The following POLR3E variants were observed in gnomAD, a reference collection of about 807,000 sequenced individuals.
The protein encoded by POLR3E is RNA polymerase III subunit E.
A neutral mutation model predicts 96.6 loss-of-function variants in POLR3E; 41 were observed. The observed-to-expected ratio is 0.42, with a 90% confidence interval of 0.33 to 0.55. POLR3E has a LOEUF of 0.55. Ranked by LOEUF, POLR3E falls within the 20% of genes least tolerant of loss-of-function variation. The probability of loss-of-function intolerance (pLI) is 0.06; values close to 1 mark genes in which losing one functional copy is unlikely to be tolerated. For missense variants in POLR3E, 849 were observed against 952.1 expected, an observed-to-expected ratio of 0.89 and a Z score of 1.43; for synonymous variants, 396 against 383.6, an observed-to-expected ratio of 1.03 and a Z score of -0.38.
chr16:22,305,244 G>A, intron 3 of POLR3E, 38 bp downstream of exon 3: 2 of 1,448,086 alleles, frequency 1.4e-6, no homozygotes, highest in South Asian at 2.3e-5. Flanking sequence ...GGGAGAAGCA[G>A]GTGTGGGTGG....
At chr16:22,305,275 C>T (rs1438373543) in intron 3 of POLR3E, 69 bp downstream of exon 3, 14 of 1,147,186 alleles carry the variant, frequency 1.2e-5, no homozygotes, top group African/African-American at 4.6e-5. Context: ...CTCAGGAACA[C>T]GGGCAGGAAA....
intron 6 of POLR3E, 127 bp downstream of exon 6, chr16:22,309,637 C>A: frequency 1.3e-6 from 1 of 759,594 alleles, no homozygotes; most frequent in South Asian, 1.4e-5. Context: ...GGGGGCCGGG[C>A]AGGTGTGGAA....
At chr16:22,298,537 C>T (rs543686285) in intron 1 of POLR3E, among the ~76,000 whole-genome samples, 1 of 152,268 alleles carries the variant, frequency 6.6e-6, no homozygotes, top group East Asian at 1.9e-4. Context: ...AGGTGGGTCA[C>T]AGATGCCAAG....
At position 22,333,953 on chromosome 16, in the gene POLR3E, GTATTTTGCTTAT is replaced by G; in HGVS notation, c.*259_*270del. 2.4e-6 allele frequency: 1 copy of G among 414,276 alleles called. No homozygotes were observed. The allele number at this position is 414,276 out of a possible 1,614,324, so 25.7% of individuals were successfully genotyped here. On this transcript the variant is annotated 3_prime_UTR_variant, in exon 21 of 21. Coordinates refer to ENST00000299853, the MANE Select transcript of POLR3E (RefSeq NM_018119.4). ...TGCAGTACAATTTGAAATTCCTGAT[GTATTTTGCTTAT>G]TATTTGGTTTCATTCTCATAATAAA...
intron 20 of POLR3E, among the ~76,000 whole-genome samples, 180 bp downstream of exon 20, chr16:22,332,365 G>C (rs559148527): frequency 6.6e-6 from 1 of 152,062 alleles, no homozygotes; most frequent in Non-Finnish European, 1.5e-5. Context: ...TGGGGAAGGG[G>C]GTATGTGCCA....
Position 22,332,158 on chromosome 16 carries a change from T to C in POLR3E, c.2043T>C (p.Ser681=). 1.2e-5 allele frequency: 19 copies of C among 1,613,468 alleles called. No homozygotes were observed. The highest frequency in any genetic ancestry group is 1.6e-5 in the Non-Finnish European group (19 of 1,179,444). ...RLTQECGEDL[S]KQEVDKVLKD... Reference sequence around the variant, plus strand: ...CTCAAGAGTGTGGAGAAGATCTCAGTAAACAGGAGGTGGATAAAGTACTAA... The same window carrying C: ...CTCAAGAGTGTGGAGAAGATCTCAGCAAACAGGAGGTGGATAAAGTACTAA... Residue 681 remains serine, a synonymous_variant, in exon 20 of 21, where the codon AGT becomes AGC. Transcript: ENST00000299853.
At chr16:22,331,303 A>G (rs2048735561) in intron 19 of POLR3E, 1 of 152,104 alleles carries the variant, frequency 6.6e-6, no homozygotes, top group East Asian at 1.9e-4. Context: ...GAGAGTTTCC[A>G]TTGTTTAAGT....
At chr16:22,316,090 C>T (rs1341782209) in intron 9 of POLR3E, among the ~76,000 whole-genome samples, 1 of 152,178 alleles carries the variant, frequency 6.6e-6, no homozygotes, top group African/African-American at 2.4e-5. Context: ...CCTGATTTCT[C>T]TGGAACCTTC....
At chr16:22,300,588 T>C (rs1353898442) in intron 1 of POLR3E, among the ~76,000 whole-genome samples, 1 of 152,188 alleles carries the variant, frequency 6.6e-6, no homozygotes, top group Non-Finnish European at 1.5e-5. Context: ...GCTTGACATA[T>C]CTGTGGCACT....
intron 1 of POLR3E, 187 bp from the exon 2 acceptor site, chr16:22,302,744 T>C (rs1598232939): frequency 8.4e-6 from 5 of 594,478 alleles, no homozygotes; most frequent in Non-Finnish European, 1.5e-5. Context: ...TTTCTTTTTT[T>C]CTTTATTTCT....
chr16:22,309,059 G>T lies in POLR3E; in HGVS notation c.281+19G>T, dbSNP rs369431968. The T allele has an allele frequency of 1.5e-5, 24 of 1,564,636 alleles. No individual in the cohort carries two copies. The highest frequency in any genetic ancestry group is 1.8e-5 in the Non-Finnish European group (21 of 1,137,122). On this transcript the variant is annotated intron_variant, in intron 5 of 20. Transcript: ENST00000299853. ...ATTCCTCGTGAGTTTCCGGCCCCAA[G>T]CCTGTCCGGTTTCCCTGCGTTCACA...
In POLR3E at chr16:22,317,100, C is replaced by G. The variant is rs775525415; in HGVS notation, c.774-15C>G. On this transcript the variant is annotated splice_polypyrimidine_tract_variant and intron_variant, in intron 11 of 20. Coordinates refer to ENST00000299853, the MANE Select transcript of POLR3E (RefSeq NM_018119.4). ...GGGCTGGCTGCCTCTAACCCGTCCCCTCTGCTTTTCCCAGAGACAAGCCTG... is the reference window on the plus strand; with the variant it reads ...GGGCTGGCTGCCTCTAACCCGTCCCGTCTGCTTTTCCCAGAGACAAGCCTG... The G allele has an allele frequency of 1.9e-6, 3 of 1,613,936 alleles. No homozygotes were observed. Among genetic ancestry groups the G allele is most frequent in the African/African-American group, 2.7e-5 (2 of 74,938 alleles).
At chr16:22,304,319 T>G (rs1040877911) in intron 2 of POLR3E, among the ~76,000 whole-genome samples, 2 of 151,950 alleles carry the variant, frequency 1.3e-5, no homozygotes, top group Non-Finnish European at 2.9e-5. Context: ...TTTCCTTGCT[T>G]GGGGGATGTT....
At chr16:22,331,117 T>C (rs1177163313) in intron 19 of POLR3E, among the ~76,000 whole-genome samples, 3 of 148,254 alleles carry the variant, frequency 2.0e-5, no homozygotes, top group East Asian at 4.1e-4. Flanking sequence ...TAGCTGGGAT[T>C]ATAGGCGTGT....
At chr16:22,326,529 C>T in intron 18 of POLR3E, 1 of 567,706 alleles carries the variant, frequency 1.8e-6, no homozygotes, top group Middle Eastern at 4.0e-4. Context: ...ATTGCCTGGC[C>T]TGCAGCAGGG....
rs1490030429 is a variant in POLR3E at position 22,315,121 on chromosome 16, C to T, written c.555C>T (p.Ala185=). 1.2e-6 allele frequency: 2 copies of T among 1,613,470 alleles called. No homozygotes were observed. The highest frequency in any genetic ancestry group is 3.3e-5 in the Admixed American group (2 of 59,966). The change falls in exon 9 of 21, where the codon GCC becomes GCT. Residue 185 remains alanine, a synonymous_variant. Coordinates refer to ENST00000299853, the MANE Select transcript of POLR3E (RefSeq NM_018119.4). ...TCTCCCGGCCGGAGTCAGAGCAGGC[C>T]CGCCAGCGCCGTGTGCAGTCCTATG... is the stretch of plus-strand genomic sequence containing the variant. ...VRFSRPESEQ[A]RQRRVQSYEF... is the part of the protein sequence containing the mutation.
At chr16:22,319,843 C>T (rs952830278) in intron 13 of POLR3E, among the ~76,000 whole-genome samples, 13 of 152,148 alleles carry the variant, frequency 8.5e-5, no homozygotes, top group Admixed American at 7.9e-4. Flanking sequence ...TTGTGTTGGG[C>T]ACATTCAAAC....
At chr16:22,315,232 T>C (rs770197828) in intron 9 of POLR3E, 24 bp downstream of exon 9, 1 of 1,565,656 alleles carries the variant, frequency 6.4e-7, no homozygotes, top group Non-Finnish European at 8.7e-7. Context: ...CGTGGGGTCC[T>C]GGGGGAAACA....
intron 19 of POLR3E, chr16:22,331,604 T>C (rs2048742289): frequency 6.5e-6 from 1 of 153,004 alleles, no homozygotes; most frequent in South Asian, 2.1e-4. Flanking sequence ...TTTTACGGCA[T>C]CCTGTTTCAT....
Sources: gnomAD v4.1 joint callset for allele counts (sites outside exome capture counted in the v4.1 genomes callset) on GRCh38, gnomAD v4.1.1 for gene constraint, MANE v1.5 for transcripts, NCBI Gene and HGNC (gene_info 2026-07-23, HGNC 2026-07-21) for gene names.